Variants in RNGTT observed in about 807,000 individuals in gnomAD.
RNGTT encodes the protein RNA guanylyltransferase and 5'-phosphatase, also known as mRNA-capping enzyme.
In RNGTT, 33 loss-of-function variants were observed where a neutral mutation model predicts 79.3. The ratio of observed to expected loss-of-function variants is 0.42; its 90% CI spans 0.32 to 0.56. The LOEUF (loss-of-function observed/expected upper bound fraction) is 0.56, where lower values mean the gene tolerates loss of function less well. RNGTT is among the 20% of genes least tolerant of loss of function. The probability of loss-of-function intolerance (pLI) is 0.17; values close to 1 mark genes in which losing one functional copy is unlikely to be tolerated. For missense variants in RNGTT, 497 were observed against 739.1 expected (o/e 0.67, Z 3.80); for synonymous variants, 222 against 235.9 (o/e 0.94, Z 0.54).
chr6:88,904,638 T>C, intron 6 of RNGTT, 77 bp downstream of exon 6: 1 of 1,433,440 alleles, frequency 7.0e-7, no homozygotes, highest in Non-Finnish European at 9.4e-7. Context: ...ACATGGCCAA[T>C]ATTCCATTTT....
At chr6:88,819,110 G>A (rs1413530976) in intron 11 of RNGTT, among the ~76,000 whole-genome samples, 1 of 151,904 alleles carries the variant, frequency 6.6e-6, no homozygotes, top group Non-Finnish European at 1.5e-5. Flanking sequence ...ACATCTATGA[G>A]ACCTAGAAAA....
chr6:88,911,613 C>T (rs143853361), intron 4 of RNGTT, among the ~76,000 whole-genome samples: 1 of 152,032 alleles, frequency 6.6e-6, no homozygotes, highest in African/African-American at 2.4e-5. Context: ...CAAAACCACA[C>T]AATTACATGG....
chr6:88,946,998 C>T (rs1785039396), intron 1 of RNGTT, among the ~76,000 whole-genome samples: 1 of 63,816 alleles, frequency 1.6e-5, no homozygotes, highest in Non-Finnish European at 3.2e-5. Context: ...TCACTACAAC[C>T]TACACCTCCC....
chr6:88,693,110 A>G, intron 13 of RNGTT, among the ~76,000 whole-genome samples: 1 of 152,032 alleles, frequency 6.6e-6, no homozygotes, highest in Non-Finnish European at 1.5e-5. Flanking sequence ...GTTAGCAGAA[A>G]GAAGGAAACA....
chr6:88,802,368 T>C (rs1476485775), intron 11 of RNGTT, among the ~76,000 whole-genome samples: 2 of 152,202 alleles, frequency 1.3e-5, no homozygotes, highest in Admixed American at 6.5e-5. Context: ...CAATGCCATA[T>C]CAACAGAGTT....
At chr6:88,695,041 T>G (rs1775612778) in intron 13 of RNGTT, among the ~76,000 whole-genome samples, 2 of 152,132 alleles carry the variant, frequency 1.3e-5, no homozygotes, top group Admixed American at 1.3e-4. Flanking sequence ...GACTTAAATG[T>G]AAGATCTGAA....
chr6:88,929,998 A>G (rs980627213), intron 2 of RNGTT, among the ~76,000 whole-genome samples: 1 of 147,560 alleles, frequency 6.8e-6, no homozygotes, highest in African/African-American at 2.5e-5. Context: ...ACATGTATAC[A>G]TATATACATA....
At chr6:88,777,757 C>T (rs528718551) in intron 12 of RNGTT, among the ~76,000 whole-genome samples, 3 of 152,268 alleles carry the variant, frequency 2.0e-5, no homozygotes, top group South Asian at 2.1e-4. Flanking sequence ...AATTCTACTA[C>T]TTGTTTTCCA....
intron 11 of RNGTT, among the ~76,000 whole-genome samples, chr6:88,826,066 CAT>C (rs1452950605): frequency 6.6e-6 from 1 of 152,198 alleles, no homozygotes; most frequent in Non-Finnish European, 1.5e-5. Context: ...CACACGTTCA[CAT>C]GTCTGAAAAC....
intron 14 of RNGTT, among the ~76,000 whole-genome samples, chr6:88,617,291 G>A (rs769127717): frequency 6.6e-6 from 1 of 152,104 alleles, no homozygotes; most frequent in African/African-American, 2.4e-5. Context: ...TTTCTCCTAT[G>A]TTATCTTTTA....
rs1161562117 is a variant in RNGTT, at chr6:88,666,574, TGAACCCCGC to T, written c.1506+11770_1506+11778del. Among the ~76,000 whole-genome samples the T allele has an allele frequency of 2.0e-5, 3 of 152,278 alleles. No individual in the cohort carries two copies. The East Asian group carries it at 5.8e-4, about 29-fold the overall frequency. On this transcript the variant is annotated intron_variant, in intron 14 of 15. Transcript: ENST00000369485. ...ATATAACCACTGAAGTTTGTAACAA[TGAACCCCGC>T]CACTGCTTCTGGTATCAGAGAGCCC...
intron 12 of RNGTT, among the ~76,000 whole-genome samples, chr6:88,778,808 CT>C: frequency 6.6e-6 from 1 of 152,294 alleles, no homozygotes; most frequent in East Asian, 1.9e-4. Context: ...CACCTTTTAA[CT>C]GTGCCACGTG....
chr6:88,614,494 A>G, intron 14 of RNGTT, 99 bp from the exon 15 acceptor site: 1 of 1,130,938 alleles, frequency 8.8e-7, no homozygotes, highest in Admixed American at 2.0e-5. Flanking sequence ...AAAATACCTC[A>G]GTAACTCTTC....
intron 11 of RNGTT, among the ~76,000 whole-genome samples, chr6:88,811,996 G>A (rs939848239): frequency 1.3e-5 from 2 of 152,004 alleles, no homozygotes; most frequent in Admixed American, 6.5e-5. Flanking sequence ...CTAACTTCTA[G>A]TTCAGGTTAG....
chr6:88,680,940 T>C (rs1391812755), intron 13 of RNGTT, among the ~76,000 whole-genome samples: 6 of 152,166 alleles, frequency 3.9e-5, no homozygotes, highest in Admixed American at 2.6e-4. Flanking sequence ...TAGATTCAAA[T>C]AGGAAATGTC....
chr6:88,930,500 T>C (rs1033497212), intron 2 of RNGTT, among the ~76,000 whole-genome samples: 1 of 151,838 alleles, frequency 6.6e-6, no homozygotes, highest in Non-Finnish European at 1.5e-5. Flanking sequence ...ATTAAATAAA[T>C]TTTCCTCTCC....
chr6:88,732,434 C>A (rs1187874248), intron 13 of RNGTT, among the ~76,000 whole-genome samples: 1 of 151,926 alleles, frequency 6.6e-6, no homozygotes, highest in Admixed American at 6.5e-5. Flanking sequence ...ACAGCCACTG[C>A]AAAAAACAGT....
intron 14 of RNGTT, among the ~76,000 whole-genome samples, chr6:88,643,616 A>G (rs1773411501): frequency 6.6e-6 from 1 of 152,202 alleles, no homozygotes; most frequent in Admixed American, 6.5e-5. Context: ...AGCACTCCTC[A>G]GCAAATGTAA....
intron 13 of RNGTT, among the ~76,000 whole-genome samples, chr6:88,745,876 T>C (rs1777643967): frequency 6.6e-6 from 1 of 152,190 alleles, no homozygotes; most frequent in Non-Finnish European, 1.5e-5. Context: ...ATTTTAATTG[T>C]GGAAGTTATC....
Sources: allele counts gnomAD v4.1 joint callset (sites outside exome capture counted in the v4.1 genomes callset), GRCh38; gene constraint gnomAD v4.1.1; transcripts MANE v1.5; gene names NCBI Gene and HGNC (gene_info 2026-07-23, HGNC 2026-07-21).